LINGO2: variants seen among roughly 807,000 people sequenced by gnomAD.
The protein encoded by LINGO2 is leucine rich repeat and Ig domain containing 2.
LINGO2 carries 14 observed loss-of-function variants against 30.6 expected under a neutral mutation model. That is an observed-to-expected ratio of 0.46 (90% CI 0.30 to 0.72). The LOEUF (loss-of-function observed/expected upper bound fraction) is 0.72. Among genes scored for constraint, LINGO2 ranks in the 30% least tolerant of loss-of-function variants. The pLI, the probability that LINGO2 is intolerant of heterozygous loss-of-function variation, is 0.07. For missense variants in LINGO2, 729 were observed against 751.7 expected (o/e 0.97, Z 0.35); for synonymous variants, 317 against 288.5 (o/e 1.10, Z -1.00).
the LINGO2 span, among the ~76,000 whole-genome samples, chr9:28,958,722 G>A: frequency 1.3e-5 from 2 of 152,020 alleles, no homozygotes; most frequent in Non-Finnish European, 2.9e-5. Flanking sequence ...GAAAAAAGGA[G>A]AGAAGGGGAG....
the LINGO2 span, among the ~76,000 whole-genome samples, chr9:29,021,123 T>C: frequency 2.6e-5 from 4 of 152,154 alleles, no homozygotes; most frequent in South Asian, 2.1e-4. Flanking sequence ...TGTACAGATA[T>C]TTGTTATGGC....
the LINGO2 span, among the ~76,000 whole-genome samples, chr9:28,738,597 CA>C: frequency 1.3e-5 from 2 of 151,636 alleles, no homozygotes; most frequent in East Asian, 1.9e-4. Flanking sequence ...AAATCACTAC[CA>C]AAAAAAGTAC....
intron 1 of LINGO2, among the ~76,000 whole-genome samples, chr9:28,519,996 T>C (rs1820770633): frequency 1.3e-5 from 2 of 152,226 alleles, no homozygotes; most frequent in African/African-American, 4.8e-5. Flanking sequence ...ATAATGATGC[T>C]ATTAATTTCA....
intron 2 of LINGO2, among the ~76,000 whole-genome samples, chr9:28,423,702 T>C (rs768331349): frequency 6.6e-6 from 1 of 152,130 alleles, no homozygotes; most frequent in African/African-American, 2.4e-5. Context: ...TTCTACTCTA[T>C]GTTTTATATA....
the LINGO2 span, among the ~76,000 whole-genome samples, chr9:29,032,655 A>G: frequency 2.0e-5 from 3 of 152,308 alleles, no homozygotes; most frequent in Admixed American, 6.5e-5. Flanking sequence ...ATGAGCATTT[A>G]TACCACATAG....
Position 28,541,112 on chromosome 9 carries a change from T to C in LINGO2, c.-364-65087A>G, listed in dbSNP as rs147262116. 9.5e-3 allele frequency among the ~76,000 whole-genome samples: 1,453 copies of C among 152,272 alleles called. 8 individuals carry two copies. Among genetic ancestry groups the C allele is most frequent in the Middle Eastern group, 0.02 (6 of 294 alleles). ...AAAGAGTGAATAATAAAAATGTAGT[T>C]GCTGATATTGATGAAATGTGGTAGG... On this transcript the variant is annotated intron_variant, in intron 1 of 5. Transcript: ENST00000379992.
chr9:28,320,322 G>A (rs920601481), intron 3 of LINGO2, among the ~76,000 whole-genome samples: 7 of 152,112 alleles, frequency 4.6e-5, no homozygotes, highest in African/African-American at 1.7e-4. Context: ...CTGAACTGAA[G>A]GGTTCTTAGA....
intron 1 of LINGO2, among the ~76,000 whole-genome samples, chr9:28,662,194 A>G (rs1054167969): frequency 6.6e-6 from 1 of 152,284 alleles, no homozygotes; most frequent in East Asian, 1.9e-4. Context: ...GTGTCACACA[A>G]CAGTAGGGCA....
At chr9:28,271,453 T>G (rs964108187) in intron 4 of LINGO2, among the ~76,000 whole-genome samples, 4 of 152,004 alleles carry the variant, frequency 2.6e-5, no homozygotes, top group African/African-American at 9.7e-5. Context: ...GTAAAAAAAC[T>G]AAGCATTTTC....
the LINGO2 span, among the ~76,000 whole-genome samples, chr9:28,913,735 A>T: frequency 2.6e-5 from 4 of 152,224 alleles, no homozygotes; most frequent in African/African-American, 9.6e-5. Flanking sequence ...TTGTTTTATA[A>T]TGCTTATTAC....
intron 4 of LINGO2, among the ~76,000 whole-genome samples, chr9:28,019,866 A>C (rs1287938148): frequency 1.3e-5 from 2 of 152,104 alleles, no homozygotes; most frequent in African/African-American, 4.8e-5. Flanking sequence ...TGCCTCCTGG[A>C]CTCAAGTTCT....
chr9:28,250,738 C>T (rs375446407), intron 4 of LINGO2, among the ~76,000 whole-genome samples: 108 of 152,302 alleles, frequency 7.1e-4, no homozygotes, highest in African/African-American at 2.2e-3. Context: ...TATCCCATGC[C>T]AGCCACAGGG....
At chr9:28,633,254 T>C (rs529430696) in intron 1 of LINGO2, among the ~76,000 whole-genome samples, 2 of 152,216 alleles carry the variant, frequency 1.3e-5, no homozygotes, top group South Asian at 4.1e-4. Flanking sequence ...TCAGGATTAA[T>C]ACTTTGTATC....
the LINGO2 span, among the ~76,000 whole-genome samples, chr9:28,856,990 T>C: frequency 6.6e-6 from 1 of 152,060 alleles, no homozygotes; most frequent in African/African-American, 2.4e-5. Flanking sequence ...ATGTTGATTC[T>C]TGTCAGAGAA....
At chr9:28,518,441 T>C (rs2135391116) in intron 1 of LINGO2, among the ~76,000 whole-genome samples, 1 of 152,286 alleles carries the variant, frequency 6.6e-6, no homozygotes, top group African/African-American at 2.4e-5. Flanking sequence ...AGTATGTCAT[T>C]TCAACATAGG....
intron 3 of LINGO2, among the ~76,000 whole-genome samples, chr9:28,347,979 A>G (rs998779756): frequency 2.0e-5 from 3 of 152,202 alleles, no homozygotes; most frequent in African/African-American, 7.2e-5. Flanking sequence ...GATGTAAAGA[A>G]TGTCACTTAT....
At chr9:28,080,367 C>T (rs527539388) in intron 4 of LINGO2, among the ~76,000 whole-genome samples, 7 of 152,136 alleles carry the variant, frequency 4.6e-5, no homozygotes, top group African/African-American at 7.2e-5. Flanking sequence ...AATCAACTCA[C>T]GCTGGCTTGC....
At chr9:28,171,712 T>C (rs1028410895) in intron 4 of LINGO2, among the ~76,000 whole-genome samples, 1 of 151,808 alleles carries the variant, frequency 6.6e-6, no homozygotes, top group African/African-American at 2.4e-5. Context: ...TGAAACTCAA[T>C]AAAAACAGCA....
the LINGO2 span, among the ~76,000 whole-genome samples, chr9:28,764,387 T>C: frequency 6.6e-6 from 1 of 152,040 alleles, no homozygotes; most frequent in East Asian, 1.9e-4. Flanking sequence ...ACATTATCAG[T>C]ACAAAAGATT....
Sources: gnomAD v4.1 joint callset for allele counts (sites outside exome capture counted in the v4.1 genomes callset) on GRCh38, gnomAD v4.1.1 for gene constraint, MANE v1.5 for transcripts, NCBI Gene and HGNC (gene_info 2026-07-23, HGNC 2026-07-21) for gene names.